MGAT4D: variants seen among roughly 807,000 people sequenced by gnomAD.
MGAT4D encodes the protein MGAT4 family member D, also known as alpha-1,3-mannosyl-glycoprotein 4-beta-N-acetylglucosaminyltransferase-like protein MGAT4D.
In MGAT4D, 34 loss-of-function variants were observed where a neutral mutation model predicts 15.9. The observed-to-expected ratio is 2.14, with a 90% CI of 1.62 to 2.84. MGAT4D has a LOEUF of 2.84. Ranked by LOEUF, MGAT4D falls within the 30% of genes most tolerant of loss-of-function variation. The pLI, the probability that MGAT4D is intolerant of heterozygous loss-of-function variation, is 0.00. For missense variants in MGAT4D, 327 were observed against 140.2 expected, an observed-to-expected ratio of 2.33 and a Z score of -6.73; for synonymous variants, 112 against 48.2, an observed-to-expected ratio of 2.33 and a Z score of -5.49.
At chr4:140,469,089 TC>T (rs759365288) in intron 5 of MGAT4D, among the ~76,000 whole-genome samples, 13 of 152,186 alleles carry the variant, frequency 8.5e-5, no homozygotes, top group Non-Finnish European at 1.8e-4. Context: ...AGTATTTGTG[TC>T]CCTTAAGACA....
chr4:140,486,707 A>G (rs906156163), intron 1 of MGAT4D, among the ~76,000 whole-genome samples: 4 of 152,252 alleles, frequency 2.6e-5, no homozygotes, highest in Admixed American at 6.5e-5. Flanking sequence ...TTATACAAAT[A>G]TATGCTCGAT....
rs10531166 is a variant in MGAT4D at position 140,442,838 on chromosome 4, CTGTG to C, written c.*594_*597del. On this transcript the variant is annotated 3_prime_UTR_variant, in exon 11 of 11. Coordinates refer to ENST00000511113, the MANE Select transcript of MGAT4D (RefSeq NM_001277353.2). ...TTTGGGAAAAAAACTCCCAAATAAT[CTGTG>C]TGTTAAGAAGGCAATGATGAGAGAA... The C allele has an allele frequency of 0.6, 90,213 of 151,268 alleles. 28,058 individuals are homozygous for C. Among genetic ancestry groups the C allele is most frequent in the Non-Finnish European group, 0.71 (48,005 of 67,666 alleles). The allele number at this position is 151,268 out of a possible 1,614,324, so 9.4% of individuals were successfully genotyped here.
At chr4:140,493,353 T>A (rs1560805243) in intron 1 of MGAT4D, among the ~76,000 whole-genome samples, 2 of 148,602 alleles carry the variant, frequency 1.3e-5, no homozygotes, top group Non-Finnish European at 1.5e-5. Context: ...TGGAGTGCAG[T>A]GGTGCGATCT....
intron 1 of MGAT4D, among the ~76,000 whole-genome samples, chr4:140,496,704 A>G (rs1733859075): frequency 1.3e-5 from 2 of 151,980 alleles, no homozygotes; most frequent in African/African-American, 4.8e-5. Context: ...TTATCCGGGC[A>G]TGGTGGCACA....
intron 1 of MGAT4D, among the ~76,000 whole-genome samples, 176 bp downstream of exon 1, chr4:140,497,953 C>T (rs1733946437): frequency 6.6e-6 from 1 of 152,142 alleles, no homozygotes; most frequent in African/African-American, 2.4e-5. Flanking sequence ...CCGCCGCTGA[C>T]CGGGGTAGGC....
At chr4:140,449,881 A>T (rs1730365205) in intron 10 of MGAT4D, 1 of 196,246 alleles carries the variant, frequency 5.1e-6, no homozygotes, top group Non-Finnish European at 1.0e-5. Flanking sequence ...CAGCAACAAA[A>T]GTTGAACATT....
chr4:140,443,503 AATT>A, intron 10 of MGAT4D, 59 bp from the exon 11 acceptor site: 3 of 483,734 alleles, frequency 6.2e-6, no homozygotes, highest in Non-Finnish European at 1.1e-5. Context: ...ATAAAGATGA[AATT>A]ATTTTCATAG....
intron 1 of MGAT4D, among the ~76,000 whole-genome samples, 184 bp downstream of exon 1, chr4:140,497,945 G>A (rs1325608609): frequency 6.6e-6 from 1 of 152,164 alleles, no homozygotes. Flanking sequence ...CAGCCCAGCC[G>A]CCGCTGACCG....
At chr4:140,464,495 C>T (rs1731398332) in intron 6 of MGAT4D, among the ~76,000 whole-genome samples, 1 of 152,164 alleles carries the variant, frequency 6.6e-6, no homozygotes, top group African/African-American at 2.4e-5. Context: ...GCAAACAGTA[C>T]AGCTGGGACT....
rs1431111372 is a variant in MGAT4D at position 140,482,332 on chromosome 4, T to G, written c.248A>C (p.Asn83Thr). 1.1e-5 allele frequency: 7 copies of G among 622,888 alleles called. No homozygotes were observed. Among genetic ancestry groups the G allele is most frequent in the South Asian group, 9.3e-5 (5 of 53,978 alleles). 38.6% of individuals were successfully genotyped at this position (622,888 alleles called of 1,614,324 possible). The change falls in exon 2 of 11, where the codon AAC becomes ACC. Residue 83 changes from asparagine to threonine, a missense_variant. Asn to Thr is a moderately conservative substitution (Grantham distance 65, BLOSUM62 0). Coordinates refer to ENST00000511113, the MANE Select transcript of MGAT4D (RefSeq NM_001277353.2). ...EITKREILSG[N>T]LVAQKADILN... is the part of the protein sequence containing the mutation. ...CAAACAAAATCAACACAAACCTAAG[T>G]TTCCTGACAAAATTTCTCTCTTTGT... is the stretch of plus-strand genomic sequence containing the variant.
chr4:140,479,040 A>C (rs1299121287), intron 3 of MGAT4D, among the ~76,000 whole-genome samples: 1 of 152,166 alleles, frequency 6.6e-6, no homozygotes, highest in African/African-American at 2.4e-5. Flanking sequence ...TTCAAACTCC[A>C]AAGCTTCTTC....
At chr4:140,475,231 C>A (rs1466671237) in intron 3 of MGAT4D, among the ~76,000 whole-genome samples, 2 of 152,064 alleles carry the variant, frequency 1.3e-5, no homozygotes, top group African/African-American at 2.4e-5. Flanking sequence ...AACCACTTTC[C>A]ACTTACTATA....
At chr4:140,469,433 T>C (rs1381899989) in intron 5 of MGAT4D, among the ~76,000 whole-genome samples, 1 of 152,240 alleles carries the variant, frequency 6.6e-6, no homozygotes, top group Non-Finnish European at 1.5e-5. Flanking sequence ...CATCACATAA[T>C]ACTTAGTCAA....
intron 5 of MGAT4D, among the ~76,000 whole-genome samples, chr4:140,470,887 A>ATTT (rs776418118): frequency 0.069 from 9,821 of 142,908 alleles, 414 homozygotes; most frequent in Admixed American, 0.13. Flanking sequence ...TTATTTTATA[A>ATTT]TTTTTTTTTT....
At chr4:140,445,479 T>G (rs1396916091) in intron 10 of MGAT4D, among the ~76,000 whole-genome samples, 2 of 152,214 alleles carry the variant, frequency 1.3e-5, no homozygotes, top group Non-Finnish European at 2.9e-5. Context: ...TTCTGTAGGT[T>G]GTCTGTTTAC....
intron 7 of MGAT4D, among the ~76,000 whole-genome samples, chr4:140,461,687 G>C (rs1029770567): frequency 6.6e-6 from 1 of 151,998 alleles, no homozygotes; most frequent in Non-Finnish European, 1.5e-5. Context: ...CTCTGTAACA[G>C]TGAACCTAGT....
intron 1 of MGAT4D, among the ~76,000 whole-genome samples, chr4:140,494,335 A>AT (rs1733696559): frequency 6.6e-6 from 1 of 152,168 alleles, no homozygotes. Context: ...TTACTAGAGA[A>AT]TGTTCTCGCA....
At chr4:140,470,996 C>T (rs887613747) in intron 5 of MGAT4D, among the ~76,000 whole-genome samples, 14 of 151,676 alleles carry the variant, frequency 9.2e-5, no homozygotes, top group African/African-American at 3.4e-4. Flanking sequence ...GCAATCCTTC[C>T]ACTTCAGCCT....
intron 10 of MGAT4D, among the ~76,000 whole-genome samples, chr4:140,443,758 A>G (rs186805706): frequency 1.3e-5 from 2 of 152,272 alleles, no homozygotes; most frequent in African/African-American, 4.8e-5. Context: ...GGTAATATAT[A>G]AATAGTTTAA....
Sources: allele counts gnomAD v4.1 joint callset (sites outside exome capture counted in the v4.1 genomes callset), GRCh38; gene constraint gnomAD v4.1.1; transcripts MANE v1.5; gene names NCBI Gene and HGNC (gene_info 2026-07-23, HGNC 2026-07-21).